ARK2N: variants seen among roughly 807,000 people sequenced by gnomAD.
ARK2N encodes protein ARK2N.
At chr18:46,200,183 C>T in the ARK2N span, among the ~76,000 whole-genome samples, 3 of 152,036 alleles carry the variant, frequency 2.0e-5, no homozygotes, top group Admixed American at 6.6e-5. Flanking sequence ...TTCCGAAAGA[C>T]CACATTTGCT....
chr18:46,237,208 G>A, the ARK2N span, among the ~76,000 whole-genome samples: 1 of 151,842 alleles, frequency 6.6e-6, no homozygotes, highest in African/African-American at 2.4e-5. Flanking sequence ...CCTCCCTAGT[G>A]ATTTTTTTTT....
At chr18:46,225,515 A>G in the ARK2N span, among the ~76,000 whole-genome samples, 20 of 152,236 alleles carry the variant, frequency 1.3e-4, no homozygotes, top group East Asian at 1.9e-4. Context: ...CTGGAGTGCA[A>G]TGGCGCGATC....
chr18:46,216,819 T>C, the ARK2N span: 1 of 491,976 alleles, frequency 2.0e-6, no homozygotes, highest in African/African-American at 1.9e-5. This position sits in a 1 kb window ranked among gnomAD's most constrained non-coding sequence, Gnocchi z 4.3. Flanking sequence ...GGGTTAATGA[T>C]AGGGACAAGA....
At chr18:46,228,683 T>C in the ARK2N span, 2 of 396,730 alleles carry the variant, frequency 5.0e-6, no homozygotes, top group Non-Finnish European at 8.9e-6. Flanking sequence ...CCTCCCAGGT[T>C]CAAGCAATCC....
At chr18:46,216,305 G>A in the ARK2N span, 3 of 1,613,906 alleles carry the variant, frequency 1.9e-6, no homozygotes, top group Admixed American at 1.7e-5. This position sits in a 1 kb window ranked among gnomAD's most constrained non-coding sequence, Gnocchi z 4.3. Flanking sequence ...AAGTCTAGGC[G>A]GTCCCGATCT....
the ARK2N span, among the ~76,000 whole-genome samples, chr18:46,227,542 T>C: frequency 6.6e-6 from 1 of 152,190 alleles, no homozygotes; most frequent in Non-Finnish European, 1.5e-5. Flanking sequence ...GATATATACA[T>C]CCTTGTATAA....
the ARK2N span, among the ~76,000 whole-genome samples, chr18:46,176,575 C>T: frequency 6.6e-6 from 1 of 151,862 alleles, no homozygotes; most frequent in African/African-American, 2.4e-5. Flanking sequence ...CCACCTCAGC[C>T]TCCGAAGTAG....
At chr18:46,176,837 G>C in the ARK2N span, among the ~76,000 whole-genome samples, 3 of 152,126 alleles carry the variant, frequency 2.0e-5, no homozygotes, top group South Asian at 4.1e-4. Context: ...GGCTGGTCTC[G>C]AACTCCTGAC....
At chr18:46,252,159 C>A in the ARK2N span, among the ~76,000 whole-genome samples, 4 of 151,104 alleles carry the variant, frequency 2.6e-5, no homozygotes, top group Non-Finnish European at 5.9e-5. Flanking sequence ...TGCCATTGCA[C>A]TCTAGCCTGG....
chr18:46,240,284 A>T, the ARK2N span: 1 of 1,309,746 alleles, frequency 7.6e-7, no homozygotes, highest in South Asian at 1.4e-5. Context: ...AACAGGTCAT[A>T]CCAGAGACAT....
the ARK2N span, among the ~76,000 whole-genome samples, chr18:46,235,357 C>T: frequency 1.3e-5 from 2 of 152,208 alleles, no homozygotes; most frequent in East Asian, 3.8e-4. Flanking sequence ...GGCCTAGGCA[C>T]TGATGTTCCT....
the ARK2N span, among the ~76,000 whole-genome samples, chr18:46,221,064 A>G: frequency 6.6e-6 from 1 of 152,124 alleles, no homozygotes; most frequent in South Asian, 2.1e-4. Context: ...TGAGCCCAGG[A>G]GGCAGAGGCT....
At chr18:46,242,310 C>A in the ARK2N span, among the ~76,000 whole-genome samples, 11 of 152,096 alleles carry the variant, frequency 7.2e-5, no homozygotes, top group Non-Finnish European at 1.5e-4. Flanking sequence ...TTAGATTGAA[C>A]CGTATGGAAT....
the ARK2N span, chr18:46,253,974 T>G: frequency 3.3e-6 from 3 of 914,006 alleles, no homozygotes; most frequent in Non-Finnish European, 3.2e-6. Context: ...AGAAACACTT[T>G]TTGTTTAGAC....
chr18:46,246,499 A>T, the ARK2N span, among the ~76,000 whole-genome samples: 1 of 151,928 alleles, frequency 6.6e-6, no homozygotes, highest in Non-Finnish European at 1.5e-5. Flanking sequence ...GGCACAATTT[A>T]TCTAAGGCTC....
the ARK2N span, among the ~76,000 whole-genome samples, chr18:46,244,253 A>G: frequency 2.0e-5 from 3 of 152,172 alleles, no homozygotes; most frequent in Non-Finnish European, 4.4e-5. Context: ...GGCAAGAAGA[A>G]GCAGAAGTCT....
chr18:46,174,140 G>C, the ARK2N span: 1 of 152,650 alleles, frequency 6.6e-6, no homozygotes, highest in Non-Finnish European at 1.5e-5. Flanking sequence ...GGTTCACTTT[G>C]GTCCCGGCAG....
chr18:46,202,535 A>G, the ARK2N span, among the ~76,000 whole-genome samples: 3 of 151,808 alleles, frequency 2.0e-5, no homozygotes, highest in Admixed American at 2.0e-4. Flanking sequence ...TGTGTAGACT[A>G]TATTTGTGTG....
At chr18:46,244,523 G>C in the ARK2N span, among the ~76,000 whole-genome samples, 1 of 149,678 alleles carries the variant, frequency 6.7e-6, no homozygotes, top group South Asian at 2.1e-4. Flanking sequence ...CCATGTTTCA[G>C]AATCAGTATA....
Sources: allele counts gnomAD v4.1 joint callset (sites outside exome capture counted in the v4.1 genomes callset), GRCh38; gene constraint gnomAD v4.1.1; non-coding constraint Gnocchi (gnomAD v3.1); transcripts MANE v1.5; gene names NCBI Gene and HGNC (gene_info 2026-07-23, HGNC 2026-07-21).